Variants in ZMYND8 observed in about 807,000 individuals in gnomAD.
ZMYND8 encodes the protein zinc finger MYND-type containing 8.
A neutral mutation model predicts 140.8 loss-of-function variants in ZMYND8; 37 were observed. The observed-to-expected ratio is 0.26, with a 90% CI of 0.20 to 0.35. ZMYND8 has a LOEUF of 0.35. Ranked by LOEUF, ZMYND8 falls within the 10% of genes least tolerant of loss-of-function variation. The pLI is 1.00. For missense variants in ZMYND8, 1,068 were observed against 1,570.0 expected, an observed-to-expected ratio of 0.68 and a Z score of 5.40; for synonymous variants, 592 against 597.1, an observed-to-expected ratio of 0.99 and a Z score of 0.12.
chr20:47,290,158 C>T, intron 7 of ZMYND8, 29 bp downstream of exon 7: 2 of 1,602,106 alleles, frequency 1.2e-6, no homozygotes, highest in South Asian at 2.2e-5. Flanking sequence ...ACAGCATACT[C>T]TTTCTTAGGA....
At chr20:47,294,186 A>T (rs1393963158) in intron 5 of ZMYND8, among the ~76,000 whole-genome samples, 1 of 138,398 alleles carries the variant, frequency 7.2e-6, no homozygotes, top group African/African-American at 2.6e-5. Flanking sequence ...CATCTCTACT[A>T]AAAATACAAA....
At chr20:47,219,055 A>T (rs1257054735) in intron 21 of ZMYND8, among the ~76,000 whole-genome samples, 9 of 110,942 alleles carry the variant, frequency 8.1e-5, no homozygotes, top group East Asian at 5.6e-4. Context: ...CGTTTCTACA[A>T]TTTTTTTTTT....
intron 5 of ZMYND8, among the ~76,000 whole-genome samples, chr20:47,294,310 C>T (rs904058189): frequency 6.6e-6 from 1 of 151,980 alleles, no homozygotes; most frequent in Non-Finnish European, 1.5e-5. Flanking sequence ...CAACATCACA[C>T]CACTGCACTC....
chr20:47,249,535 G>C, intron 12 of ZMYND8, 96 bp from the exon 13 acceptor site: 4 of 1,500,784 alleles, frequency 2.7e-6, no homozygotes, highest in East Asian at 2.3e-5. Flanking sequence ...ACACATTTTA[G>C]AACATGGGGG....
chr20:47,294,698 T>G lies in ZMYND8; in HGVS notation c.535A>C (p.Lys179Gln), dbSNP rs1229611171. The G allele has an allele frequency of 6.2e-7, 1 of 1,614,220 alleles. No homozygotes were observed. Residue 179 changes from lysine to glutamine, a missense_variant, in exon 5 of 23, where the codon AAG (lysine) becomes CAG (glutamine). Around this residue, in one of 10 missense-constraint regions of ZMYND8, gnomAD observed 109 missense variants for 314.9 expected, o/e 0.35. Coordinates refer to ENST00000471951, the MANE Select transcript of ZMYND8 (RefSeq NM_001281775.3). ...LTIEQLSYLLKFAIQKMKQPG... is the reference protein window; with the variant it reads ...LTIEQLSYLLQFAIQKMKQPG... ...TGTTTCATTTTCTGAATGGCAAACT[T>G]GAGCAGGTAGGATAACTGTTCAATG...
At chr20:47,276,087 T>A (rs539844721) in intron 11 of ZMYND8, among the ~76,000 whole-genome samples, 10 of 152,336 alleles carry the variant, frequency 6.6e-5, no homozygotes, top group African/African-American at 2.2e-4. Context: ...GCCATCTCCA[T>A]CTACTTCTAG....
intron 2 of ZMYND8, among the ~76,000 whole-genome samples, chr20:47,330,254 A>C (rs1250851989): frequency 6.6e-6 from 1 of 151,784 alleles, no homozygotes; most frequent in African/African-American, 2.4e-5. Context: ...CAGTGGCAAG[A>C]TCATAGCTCA....
chr20:47,348,607 A>T (rs2082528881), intron 1 of ZMYND8: 1 of 152,350 alleles, frequency 6.6e-6, no homozygotes, highest in South Asian at 2.1e-4. Flanking sequence ...ATCCCCCACC[A>T]CAAAAGTGGA....
At chr20:47,276,251 T>C (rs1158834808) in intron 11 of ZMYND8, 63 bp downstream of exon 11, 41 of 1,482,468 alleles carry the variant, frequency 2.8e-5, no homozygotes, top group Non-Finnish European at 3.6e-5. Flanking sequence ...CCACCAAGTG[T>C]GCACCCATGG....
chr20:47,246,814 A>C (rs2040616499), intron 13 of ZMYND8, among the ~76,000 whole-genome samples: 1 of 152,122 alleles, frequency 6.6e-6, no homozygotes, highest in African/African-American at 2.4e-5. Context: ...GTTGATAACT[A>C]ATTGGGATTA....
In ZMYND8 at chr20:47,262,391, A is replaced by G; in HGVS notation, c.1518T>C (p.Ser506=). 1.2e-6 allele frequency: 2 copies of G among 1,613,100 alleles called. No individual in the cohort carries two copies. Among genetic ancestry groups the G allele is most frequent in the South Asian group, 1.1e-5 (1 of 91,002 alleles). Residue 506 remains serine (S), a synonymous_variant, in exon 12 of 23, where the codon AGT becomes AGC. Coordinates refer to ENST00000471951, the MANE Select transcript of ZMYND8 (RefSeq NM_001281775.3). ...AGAAGGGCTTTGGGCTGCCGGATAA[A>G]CTCCCTGCTTGTCCCGTCTTGGTGG... The part of the protein sequence containing the change: ...PASTKTGQAG[S]LSGSPKPFSP...
At chr20:47,283,716 C>T in intron 8 of ZMYND8, 68 bp from the exon 9 acceptor site, 1 of 1,482,976 alleles carries the variant, frequency 6.7e-7, no homozygotes, top group Non-Finnish European at 9.3e-7. Flanking sequence ...TCAATCAATG[C>T]TTGATGATTT....
At chr20:47,252,340 C>A (rs1221895357) in intron 12 of ZMYND8, among the ~76,000 whole-genome samples, 2 of 146,812 alleles carry the variant, frequency 1.4e-5, no homozygotes, top group Non-Finnish European at 3.0e-5. Context: ...TTCCAGTAGG[C>A]AGGACTCAAG....
chr20:47,288,406 T>TC (rs2077053095), intron 7 of ZMYND8, among the ~76,000 whole-genome samples: 1 of 150,932 alleles, frequency 6.6e-6, no homozygotes, highest in Non-Finnish European at 1.5e-5. Context: ...TTTTTTTTTT[T>TC]TTTTGAGATG....
At chr20:47,279,389 G>C (rs2076458502) in intron 10 of ZMYND8, among the ~76,000 whole-genome samples, 1 of 152,092 alleles carries the variant, frequency 6.6e-6, no homozygotes, top group Non-Finnish European at 1.5e-5. Flanking sequence ...AGAATTGCTT[G>C]AATGAGCCAC....
intron 2 of ZMYND8, among the ~76,000 whole-genome samples, chr20:47,328,320 T>G (rs1295560428): frequency 6.6e-6 from 1 of 152,172 alleles, no homozygotes; most frequent in African/African-American, 2.4e-5. Context: ...GACAAAAACA[T>G]ACCAAACTGT....
intron 1 of ZMYND8, chr20:47,348,761 C>G (rs993779552): frequency 6.6e-6 from 1 of 152,046 alleles, no homozygotes; most frequent in Non-Finnish European, 1.5e-5. Context: ...GAAAGAGAGC[C>G]GGCCATATCA....
At position 47,209,395 on chromosome 20, in the gene ZMYND8, T is replaced by TG. The variant is rs1439979329; in HGVS notation, c.*1365dup. ...ATACAAATTTTATACAAAGAAAATG[T>TG]GAAAAAATACTTCCATATGCTAAAA... is the stretch of plus-strand genomic sequence containing the variant. On this transcript the variant is annotated 3_prime_UTR_variant, in exon 23 of 23. Transcript: ENST00000471951. The TG allele has an allele frequency of 6.6e-6, 1 of 151,846 alleles. No individual in the cohort carries two copies. Among genetic ancestry groups the TG allele is most frequent in the African/African-American group, 2.4e-5 (1 of 41,392 alleles). The allele number at this position is 151,846 out of a possible 1,614,324, so 9.4% of individuals were successfully genotyped here.
intron 17 of ZMYND8, among the ~76,000 whole-genome samples, chr20:47,227,702 G>C (rs1032218017): frequency 6.6e-6 from 1 of 152,130 alleles, no homozygotes; most frequent in Non-Finnish European, 1.5e-5. Flanking sequence ...AAAACCAAAG[G>C]GTATTTCTGG....
Sources: allele counts gnomAD v4.1 joint callset (sites outside exome capture counted in the v4.1 genomes callset), GRCh38; gene constraint gnomAD v4.1.1; regional missense constraint gnomAD v4.1.1; transcripts MANE v1.5; gene names NCBI Gene and HGNC (gene_info 2026-07-23, HGNC 2026-07-21).